The following PUS7 variants were observed in gnomAD, a reference collection of about 807,000 sequenced individuals.
PUS7 encodes the protein pseudouridylate synthase 7 homolog.
A neutral mutation model predicts 79.8 loss-of-function variants in PUS7; 48 were observed. The observed-to-expected ratio is 0.60, with a 90% CI of 0.48 to 0.76. The LOEUF is 0.76. Ranked by LOEUF, PUS7 falls within the 30% of genes least tolerant of loss-of-function variation. The pLI is 0.00. For synonymous variants in PUS7, 286 were observed against 272.2 expected (o/e 1.05, Z -0.50); for missense variants, 729 against 797.6 (o/e 0.91, Z 1.04).
In PUS7 at chr7:105,459,159, T is replaced by A; in HGVS notation, c.1849+9A>T. 1 of 1,579,512 alleles carries A rather than the reference T, an allele frequency of 6.3e-7. No homozygotes were observed. The highest frequency in any genetic ancestry group is 8.7e-7 in the Non-Finnish European group (1 of 1,154,754). ...AGTCAACACAGAGCTGATGACTGAG[T>A]AAACTTACCAGAAGCAAAAACTGGT... On this transcript the variant is annotated intron_variant, in intron 15 of 15. Transcript: ENST00000469408.
At chr7:105,516,052 G>A (rs1192523387) in intron 1 of PUS7, among the ~76,000 whole-genome samples, 2 of 151,720 alleles carry the variant, frequency 1.3e-5, no homozygotes, top group African/African-American at 4.8e-5. Flanking sequence ...CTGGTGATCC[G>A]CCCACCTCAA....
rs201599159 is a variant in PUS7 at position 105,502,394 on chromosome 7, G to T, written c.730+26C>A. 5 of 1,613,164 alleles carry T rather than the reference G, an allele frequency of 3.1e-6. No individual in the cohort carries two copies. The Admixed American group carries it at 6.7e-5, about 22-fold the overall frequency. Reference sequence around the variant, plus strand: ...GCCTGCCGCTCACGGCTGCCTGGCAGGAGGAAGCTGCTCACAGACACCTAC... The same window carrying T: ...GCCTGCCGCTCACGGCTGCCTGGCATGAGGAAGCTGCTCACAGACACCTAC... On this transcript the variant is annotated intron_variant, in intron 5 of 15. Coordinates refer to ENST00000469408, the MANE Select transcript of PUS7 (RefSeq NM_019042.5).
intron 9 of PUS7, among the ~76,000 whole-genome samples, chr7:105,474,196 T>C (rs1335121463): frequency 6.6e-6 from 1 of 152,184 alleles, no homozygotes; most frequent in Non-Finnish European, 1.5e-5. Flanking sequence ...TACTGGGCAT[T>C]TCTGGATATT....
At chr7:105,472,698 A>G (rs1271280152) in intron 9 of PUS7, among the ~76,000 whole-genome samples, 2 of 152,212 alleles carry the variant, frequency 1.3e-5, no homozygotes, top group African/African-American at 2.4e-5. Flanking sequence ...TAAAAATGTG[A>G]TAATAGTATA....
chr7:105,490,163 T>C (rs1000410193), intron 7 of PUS7, among the ~76,000 whole-genome samples: 2 of 151,230 alleles, frequency 1.3e-5, no homozygotes, highest in African/African-American at 4.9e-5. Context: ...TGTATTTAAG[T>C]AGAGGTAGCA....
At chr7:105,521,610 G>C (rs960191125) in intron 1 of PUS7, among the ~76,000 whole-genome samples, 2 of 152,244 alleles carry the variant, frequency 1.3e-5, no homozygotes, top group African/African-American at 4.8e-5. Context: ...TGGACCCACA[G>C]AAGGCAGGCG....
At chr7:105,499,110 T>G (rs1825149395) in intron 5 of PUS7, among the ~76,000 whole-genome samples, 1 of 152,228 alleles carries the variant, frequency 6.6e-6, no homozygotes, top group Non-Finnish European at 1.5e-5. Context: ...AACCTCATCA[T>G]TCCACTAGAA....
chr7:105,503,469 T>G (rs1473671631), intron 4 of PUS7, among the ~76,000 whole-genome samples: 1 of 152,196 alleles, frequency 6.6e-6, no homozygotes, highest in African/African-American at 2.4e-5. Context: ...TTACATGATA[T>G]TTTCAGCGTG....
chr7:105,461,632 G>A lies in PUS7; in HGVS notation c.1757+989C>T, dbSNP rs77084879. On this transcript the variant is annotated intron_variant, in intron 14 of 15. Coordinates refer to ENST00000469408, the MANE Select transcript of PUS7 (RefSeq NM_019042.5). ...TTATGAAACACTTAGATGCTAGGTT[G>A]TAAGCACTGAAAAAGTACAGTCATG... Among the ~76,000 whole-genome samples the A allele has an allele frequency of 3.0e-4, 45 of 152,362 alleles. No individual in the cohort carries two copies. The East Asian group carries it at 7.9e-3, about 27-fold the overall frequency.
chr7:105,511,224 G>C, intron 1 of PUS7, among the ~76,000 whole-genome samples: 1 of 149,788 alleles, frequency 6.7e-6, no homozygotes, highest in Non-Finnish European at 1.5e-5. Flanking sequence ...TAGTAGAGAC[G>C]GGGCTTCACC....
intron 1 of PUS7, 130 bp downstream of exon 1, chr7:105,521,919 GACC>G (rs150842083): frequency 0.14 from 20,897 of 152,410 alleles, 1,838 homozygotes; most frequent in South Asian, 0.26. Context: ...CGCGGGCTCT[GACC>G]ACTGCGGGGC....
intron 5 of PUS7, among the ~76,000 whole-genome samples, chr7:105,500,223 C>T (rs772754539): frequency 7.9e-5 from 12 of 152,036 alleles, no homozygotes; most frequent in South Asian, 4.1e-4. Context: ...GGTGTCCAAA[C>T]GAAAATGGGG....
At chr7:105,504,149 A>C in intron 4 of PUS7, among the ~76,000 whole-genome samples, 1 of 134,294 alleles carries the variant, frequency 7.4e-6, no homozygotes, top group South Asian at 2.7e-4. Context: ...GGCTCACTGC[A>C]ACCTCCACCT....
intron 5 of PUS7, among the ~76,000 whole-genome samples, chr7:105,497,636 T>C (rs532497580): frequency 6.6e-5 from 10 of 152,268 alleles, no homozygotes; most frequent in Admixed American, 4.6e-4. Flanking sequence ...AAATATGCAA[T>C]AGGTATGTGA....
At chr7:105,505,466 A>C (rs924107564) in intron 4 of PUS7, among the ~76,000 whole-genome samples, 8 of 152,206 alleles carry the variant, frequency 5.3e-5, no homozygotes, top group African/African-American at 1.7e-4. Flanking sequence ...AAGCTGCTGA[A>C]GCCAGAATCT....
chr7:105,460,808 C>T (rs1200865651), intron 14 of PUS7, among the ~76,000 whole-genome samples: 2 of 144,980 alleles, frequency 1.4e-5, no homozygotes, highest in African/African-American at 2.6e-5. Flanking sequence ...GAGCCGAGAT[C>T]GCGCCACTGC....
intron 14 of PUS7, chr7:105,462,075 A>C (rs1352095502): frequency 1.4e-5 from 2 of 142,792 alleles, no homozygotes; most frequent in Admixed American, 1.5e-4. Flanking sequence ...AGAAAAGAAA[A>C]AGATAGAAAA....
At chr7:105,461,334 A>C (rs1823418963) in intron 14 of PUS7, among the ~76,000 whole-genome samples, 1 of 152,200 alleles carries the variant, frequency 6.6e-6, no homozygotes, top group Non-Finnish European at 1.5e-5. Context: ...GATGCCAATA[A>C]AATGTAAATG....
chr7:105,479,356 G>A (rs574396183), intron 9 of PUS7, among the ~76,000 whole-genome samples: 5 of 152,036 alleles, frequency 3.3e-5, no homozygotes, highest in African/African-American at 7.3e-5. Flanking sequence ...CTGGAAGCCC[G>A]GAAAACTCTA....
Sources: allele counts gnomAD v4.1 joint callset (sites outside exome capture counted in the v4.1 genomes callset), GRCh38; gene constraint gnomAD v4.1.1; transcripts MANE v1.5; gene names NCBI Gene and HGNC (gene_info 2026-07-23, HGNC 2026-07-21).